The following RNF4 variants were observed in gnomAD, a reference collection of about 807,000 sequenced individuals.
RNF4 encodes E3 ubiquitin-protein ligase RNF4.
A neutral mutation model predicts 24.3 loss-of-function variants in RNF4; 7 were observed. The observed-to-expected ratio is 0.29, with a 90% CI of 0.16 to 0.54. RNF4 has a LOEUF of 0.54. Ranked by LOEUF, RNF4 falls within the 20% of genes least tolerant of loss-of-function variation. RNF4 has a pLI of 0.95. For missense variants in RNF4, 209 were observed against 248.5 expected (o/e 0.84, Z 1.07); for synonymous variants, 83 against 84.3 (o/e 0.98, Z 0.09).
At chr4:2,494,769 A>C (rs563551290) in intron 2 of RNF4, 1 of 152,606 alleles carries the variant, frequency 6.6e-6, no homozygotes, top group South Asian at 2.1e-4. Flanking sequence ...ATAACCTTTA[A>C]ATAAGGAAGA....
At chr4:2,504,524 T>TTTTATTTATTTATTTA (rs148529651) in intron 4 of RNF4, among the ~76,000 whole-genome samples, 39 of 140,860 alleles carry the variant, frequency 2.8e-4, no homozygotes, top group South Asian at 1.1e-3. Flanking sequence ...GTTTTATAGC[T>TTTTATTTATTTATTTA]TTTATTTATT....
chr4:2,478,010 G>A (rs1350947853), intron 1 of RNF4, among the ~76,000 whole-genome samples: 1 of 152,176 alleles, frequency 6.6e-6, no homozygotes. Context: ...TATGGACAAT[G>A]AAATCCAGGC....
chr4:2,469,543 A>T (rs929820149), intron 1 of RNF4: 5 of 151,996 alleles, frequency 3.3e-5, no homozygotes, highest in African/African-American at 1.2e-4. Flanking sequence ...GGAAACTGAG[A>T]CTCTGGGAGG....
intron 1 of RNF4, among the ~76,000 whole-genome samples, chr4:2,477,482 G>A (rs1219748289): frequency 6.6e-6 from 1 of 152,150 alleles, no homozygotes; most frequent in Non-Finnish European, 1.5e-5. Context: ...CTACTTGGGA[G>A]GCTGAGGCAG....
rs1352637856 is a variant in RNF4, at chr4:2,507,127, A to G, written c.205-4829A>G. ...TCACACTATGTGTGTTTTATTCTGTATCCTGCCTGGTTTTCCATTTATGAG... is the reference window on the plus strand; with the variant it reads ...TCACACTATGTGTGTTTTATTCTGTGTCCTGCCTGGTTTTCCATTTATGAG... On this transcript the variant is annotated intron_variant, in intron 4 of 7. Coordinates refer to ENST00000314289, the MANE Select transcript of RNF4 (RefSeq NM_002938.5). Among the ~76,000 whole-genome samples, 12 of 151,334 alleles carry G rather than the reference A, an allele frequency of 7.9e-5. 1 individual carries two copies. Among genetic ancestry groups the G allele is most frequent in the Admixed American group, 3.3e-4 (5 of 15,140 alleles).
At chr4:2,506,754 G>T (rs1736113766) in intron 4 of RNF4, among the ~76,000 whole-genome samples, 1 of 151,936 alleles carries the variant, frequency 6.6e-6, no homozygotes, top group Non-Finnish European at 1.5e-5. Context: ...TTTTTTTGGA[G>T]AGACAAGGTC....
At chr4:2,500,916 CAAAG>C (rs1429249634) in intron 4 of RNF4, among the ~76,000 whole-genome samples, 178 bp downstream of exon 4, 3 of 152,150 alleles carry the variant, frequency 2.0e-5, no homozygotes, top group African/African-American at 4.8e-5. Flanking sequence ...ATAATAATAA[CAAAG>C]AAGTTCATGC....
chr4:2,478,110 T>C (rs1163619268), intron 1 of RNF4, among the ~76,000 whole-genome samples: 1 of 152,162 alleles, frequency 6.6e-6, no homozygotes, highest in Non-Finnish European at 1.5e-5. Flanking sequence ...CTAGCCGCAT[T>C]TTGCCCCTGC....
At chr4:2,508,504 A>G (rs1736168113) in intron 4 of RNF4, among the ~76,000 whole-genome samples, 1 of 152,232 alleles carries the variant, frequency 6.6e-6, no homozygotes, top group Admixed American at 6.5e-5. Flanking sequence ...AGGGAACACC[A>G]GTAATCAATA....
chr4:2,471,339 A>G (rs927586746), intron 1 of RNF4, among the ~76,000 whole-genome samples: 1 of 152,216 alleles, frequency 6.6e-6, no homozygotes, highest in African/African-American at 2.4e-5. Context: ...AATAGCACTC[A>G]TATAAGACAG....
chr4:2,472,775 C>G (rs1172543814), intron 1 of RNF4, among the ~76,000 whole-genome samples: 2 of 152,180 alleles, frequency 1.3e-5, no homozygotes, highest in Admixed American at 1.3e-4. Context: ...GGCACGGTGG[C>G]TCACCCGTGT....
chr4:2,491,074 C>CTA (rs1270876702), intron 2 of RNF4, among the ~76,000 whole-genome samples: 3 of 152,116 alleles, frequency 2.0e-5, no homozygotes, highest in Admixed American at 6.5e-5. Context: ...GAGTGAGACT[C>CTA]TATAAAGTAT....
chr4:2,474,853 C>A (rs984686534), intron 1 of RNF4, among the ~76,000 whole-genome samples: 1 of 152,076 alleles, frequency 6.6e-6, no homozygotes, highest in African/African-American at 2.4e-5. Context: ...GGAGAAACCC[C>A]GTCTCGACTA....
rs185536186 is a variant in RNF4 at position 2,479,192 on chromosome 4, G to A, written c.-158+9934G>A. On this transcript the variant is annotated intron_variant, in intron 1 of 7. Coordinates refer to ENST00000314289, the MANE Select transcript of RNF4 (RefSeq NM_002938.5). The stretch of plus-strand genomic sequence containing the variant: ...GAATGGCTGTATTTACCCAATGCCT[G>A]CACCCCCGTTGTATCTAAGAAGTAA... Among the ~76,000 whole-genome samples, 46 of 152,314 alleles carry A rather than the reference G, an allele frequency of 3.0e-4. No individual in the cohort carries two copies. In the East Asian group the frequency reaches 6.9e-3, roughly 23 times the overall value.
intron 1 of RNF4, among the ~76,000 whole-genome samples, chr4:2,478,915 A>C (rs1415458689): frequency 1.3e-5 from 2 of 152,206 alleles, no homozygotes; most frequent in Non-Finnish European, 2.9e-5. Flanking sequence ...CTTGCCCTGT[A>C]CACCTGGAAA....
At chr4:2,506,764 CTTACCGTA>C (rs1268190781) in intron 4 of RNF4, among the ~76,000 whole-genome samples, 9 of 151,966 alleles carry the variant, frequency 5.9e-5, no homozygotes, top group Non-Finnish European at 1.0e-4. Context: ...GAGACAAGGT[CTTACCGTA>C]TTGCCCAGGG....
rs1448169800 is a variant in RNF4, at chr4:2,512,634, A to G, written c.374+37A>G. The G allele has an allele frequency of 6.2e-7, 1 of 1,609,064 alleles. No homozygotes were observed. Among genetic ancestry groups the G allele is most frequent in the Non-Finnish European group, 8.5e-7 (1 of 1,177,230 alleles). On this transcript the variant is annotated intron_variant, in intron 6 of 7. Coordinates refer to ENST00000314289, the MANE Select transcript of RNF4 (RefSeq NM_002938.5). The surrounding 1 kb of genome is among the most constrained non-coding windows in gnomAD (Gnocchi z 4.1). ...CCCCCAGCTCTGCTGCCGCCATGCT[A>G]GGATGTGGGGCCAGGGCATGGGAAT... is the stretch of plus-strand genomic sequence containing the variant.
At chr4:2,480,904 G>C (rs1735225768) in intron 1 of RNF4, 1 of 152,176 alleles carries the variant, frequency 6.6e-6, no homozygotes, top group Non-Finnish European at 1.5e-5. Flanking sequence ...TGAAGTGTTT[G>C]TTTGGAAAGA....
intron 2 of RNF4, 138 bp downstream of exon 2, chr4:2,490,640 C>A: frequency 1.2e-6 from 1 of 855,400 alleles, no homozygotes; most frequent in Non-Finnish European, 1.8e-6. Flanking sequence ...TGTATAGGAG[C>A]TTTCTGGTGG....
Sources: gnomAD v4.1 joint callset for allele counts (sites outside exome capture counted in the v4.1 genomes callset) on GRCh38, gnomAD v4.1.1 for gene constraint, Gnocchi (gnomAD v3.1) non-coding constraint, MANE v1.5 for transcripts, NCBI Gene and HGNC (gene_info 2026-07-23, HGNC 2026-07-21) for gene names.